The following SNX29 variants were observed in gnomAD, a reference collection of about 807,000 sequenced individuals.
SNX29 encodes sorting nexin 29.
In SNX29, 78 loss-of-function variants were observed where a neutral mutation model predicts 102.1. The observed-to-expected ratio is 0.76, with a 90% CI of 0.64 to 0.92. The LOEUF is 0.92. Ranked by LOEUF, SNX29 falls within the 40% of genes least tolerant of loss-of-function variation. The probability of loss-of-function intolerance (pLI) is 0.00; values close to 1 mark genes in which losing one functional copy is unlikely to be tolerated. For missense variants in SNX29, 1,280 were observed against 1,061.7 expected, an observed-to-expected ratio of 1.21 and a Z score of -2.86; for synonymous variants, 580 against 414.5, an observed-to-expected ratio of 1.40 and a Z score of -4.85.
At chr16:12,398,666 G>C (rs771829196) in intron 17 of SNX29, among the ~76,000 whole-genome samples, 165 bp downstream of exon 17, 24 of 151,934 alleles carry the variant, frequency 1.6e-4, no homozygotes, top group Non-Finnish European at 2.6e-4. Context: ...TACAGCCTCA[G>C]TCTCGCCCTC....
At position 12,061,549 on chromosome 16, in the gene SNX29, C is replaced by T; in HGVS notation, c.1146C>T (p.Cys382=). Residue 382 remains cysteine, a synonymous_variant, in exon 9 of 21, where the codon TGC becomes TGT. Coordinates refer to ENST00000566228, the MANE Select transcript of SNX29 (RefSeq NM_032167.5). The part of the protein sequence containing the change: ...SPEKPLEGNT[C]LSQMHSWAPL... ...TTAGGCCACTGGAAGGGAACACCTG[C>T]CTCTCCCAGATGCACAGCTGGGCTC... is the stretch of plus-strand genomic sequence containing the variant. 2.5e-6 allele frequency: 4 copies of T among 1,607,512 alleles called. No individual in the cohort carries two copies. Among genetic ancestry groups the T allele is most frequent in the Non-Finnish European group, 3.4e-6 (4 of 1,177,674 alleles).
At chr16:12,327,915 G>A (rs190070144) in intron 15 of SNX29, among the ~76,000 whole-genome samples, 1 of 152,230 alleles carries the variant, frequency 6.6e-6, no homozygotes, top group African/African-American at 2.4e-5. Flanking sequence ...CCTGCTCATG[G>A]CACCGTCCTG....
intron 13 of SNX29, among the ~76,000 whole-genome samples, chr16:12,139,700 A>G (rs181742178): frequency 1.5e-4 from 23 of 152,036 alleles, no homozygotes; most frequent in Admixed American, 5.9e-4. Flanking sequence ...ATCTTACCAT[A>G]TAGAGGCCAG....
chr16:12,017,315 G>A (rs905833131), intron 3 of SNX29, among the ~76,000 whole-genome samples: 4 of 152,288 alleles, frequency 2.6e-5, no homozygotes, highest in African/African-American at 9.6e-5. Flanking sequence ...GTGAGATTGA[G>A]TATCTTTTCT....
At position 12,328,898 on chromosome 16, in the gene SNX29, G is replaced by A. The variant is rs573915297; in HGVS notation, c.1783-27265G>A. On this transcript the variant is annotated intron_variant, in intron 15 of 20. Coordinates refer to ENST00000566228, the MANE Select transcript of SNX29 (RefSeq NM_032167.5). ...GTGGGAGCTGAAGCGATGTGATGTC[G>A]GGACACTGTCTCCCTGGTTCCCTGG... 2.6e-5 allele frequency among the ~76,000 whole-genome samples: 4 copies of A among 152,110 alleles called. No individual in the cohort carries two copies. In the East Asian group the frequency reaches 5.8e-4, roughly 22 times the overall value.
chr16:12,364,161 T>TA (rs376565121), intron 16 of SNX29, among the ~76,000 whole-genome samples: 10 of 138,382 alleles, frequency 7.2e-5, no homozygotes, highest in African/African-American at 1.7e-4. Flanking sequence ...CCTGGCTTGT[T>TA]TGTTATGTTA....
intron 13 of SNX29, among the ~76,000 whole-genome samples, chr16:12,181,165 C>T (rs760907757): frequency 2.6e-5 from 4 of 152,176 alleles, no homozygotes; most frequent in Non-Finnish European, 4.4e-5. Context: ...CGTGGCCCAC[C>T]ACGCTTTTAT....
chr16:12,543,272 C>T (rs748854405), intron 20 of SNX29, among the ~76,000 whole-genome samples: 11 of 152,300 alleles, frequency 7.2e-5, no homozygotes, highest in Middle Eastern at 3.4e-3. Flanking sequence ...GTCATCAGCG[C>T]ATGCATCTGG....
chr16:12,107,984 T>C (rs1008486509), intron 11 of SNX29, among the ~76,000 whole-genome samples: 59 of 152,028 alleles, frequency 3.9e-4, no homozygotes, highest in African/African-American at 1.4e-3. Context: ...GGTAGTGGAA[T>C]GAGACTTCGA....
chr16:12,465,891 T>C (rs1193877832), intron 18 of SNX29, among the ~76,000 whole-genome samples: 4 of 152,262 alleles, frequency 2.6e-5, no homozygotes, highest in Non-Finnish European at 4.4e-5. Flanking sequence ...AGCATATAGA[T>C]ATTTCACTTC....
chr16:12,564,107 G>C (rs1364157511), intron 20 of SNX29, among the ~76,000 whole-genome samples: 1 of 152,172 alleles, frequency 6.6e-6, no homozygotes, highest in Non-Finnish European at 1.5e-5. Flanking sequence ...AATCCTCCTT[G>C]ATTGGGTGTG....
intron 20 of SNX29, among the ~76,000 whole-genome samples, chr16:12,563,484 A>G (rs557460691): frequency 5.3e-5 from 8 of 152,224 alleles, no homozygotes; most frequent in Non-Finnish European, 1.2e-4. Flanking sequence ...CTCAAGGAAT[A>G]GGGCTATTAA....
At chr16:12,166,055 T>TCATCTATTCATGGTAGTAGTATTAA (rs1176582013) in intron 13 of SNX29, among the ~76,000 whole-genome samples, 2 of 152,254 alleles carry the variant, frequency 1.3e-5, no homozygotes, top group Non-Finnish European at 2.9e-5. Context: ...TTAATCCATG[T>TCATCTATTCATGGTAGTAGTATTAA]CATCTATTCA....
intron 8 of SNX29, among the ~76,000 whole-genome samples, chr16:12,054,149 G>C (rs2050423008): frequency 6.6e-6 from 1 of 152,094 alleles, no homozygotes; most frequent in African/African-American, 2.4e-5. Flanking sequence ...TGTATTTTTA[G>C]TAGAGACAGG....
At position 12,027,458 on chromosome 16, in the gene SNX29, T is replaced by C; in HGVS notation, c.247+14T>C. On this transcript the variant is annotated intron_variant, in intron 4 of 20. Transcript: ENST00000566228. Reference sequence around the variant, plus strand: ...AAACCGAAACAGGTACTGCTCTGCCTGGCTGTAGCTTGGAGGAGCTTGTCT... The same window carrying C: ...AAACCGAAACAGGTACTGCTCTGCCCGGCTGTAGCTTGGAGGAGCTTGTCT... The C allele has an allele frequency of 6.2e-7, 1 of 1,613,280 alleles. No individual in the cohort carries two copies. Among genetic ancestry groups the C allele is most frequent in the South Asian group, 1.1e-5 (1 of 90,986 alleles).
intron 19 of SNX29, among the ~76,000 whole-genome samples, chr16:12,485,434 C>A (rs1264948719): frequency 1.3e-5 from 2 of 152,200 alleles, no homozygotes; most frequent in Non-Finnish European, 1.5e-5. Context: ...AAATCACTTT[C>A]CCTGGAGCCA....
At chr16:12,197,880 G>A (rs2141954495) in intron 13 of SNX29, among the ~76,000 whole-genome samples, 2 of 151,658 alleles carry the variant, frequency 1.3e-5, no homozygotes, top group African/African-American at 4.8e-5. Flanking sequence ...CCACAATACA[G>A]CACAGAGAAG....
chr16:12,313,369 A>G (rs2080627114), intron 15 of SNX29, among the ~76,000 whole-genome samples: 1 of 152,066 alleles, frequency 6.6e-6, no homozygotes, highest in South Asian at 2.1e-4. Context: ...AGTAAGGATA[A>G]TTATGCCTAC....
chr16:12,560,035 A>T (rs2078627779), intron 20 of SNX29, among the ~76,000 whole-genome samples: 2 of 152,172 alleles, frequency 1.3e-5, no homozygotes, highest in Non-Finnish European at 2.9e-5. Flanking sequence ...AGTATGACAA[A>T]TACACAAAGA....
Sources: gnomAD v4.1 joint callset for allele counts (sites outside exome capture counted in the v4.1 genomes callset) on GRCh38, gnomAD v4.1.1 for gene constraint, MANE v1.5 for transcripts, NCBI Gene and HGNC (gene_info 2026-07-23, HGNC 2026-07-21) for gene names.